The following DGKZ variants were observed in gnomAD, a reference collection of about 807,000 sequenced individuals.
The protein encoded by DGKZ is DAG kinase zeta.
A neutral mutation model predicts 142.5 loss-of-function variants in DGKZ; 45 were observed. The observed-to-expected ratio is 0.32, with a 90% CI of 0.25 to 0.40. The LOEUF (loss-of-function observed/expected upper bound fraction) is 0.40, where lower values mean the gene tolerates loss of function less well. Ranked by LOEUF, DGKZ falls within the 10% of genes least tolerant of loss-of-function variation. The pLI, the probability that DGKZ is intolerant of heterozygous loss-of-function variation, is 1.00. For missense variants in DGKZ, 755 were observed against 1,306.5 expected (o/e 0.58, Z 6.51); for synonymous variants, 442 against 527.0 (o/e 0.84, Z 2.21).
chr11:46,356,191 G>T (rs1463163104), intron 1 of DGKZ, among the ~76,000 whole-genome samples: 1 of 152,172 alleles, frequency 6.6e-6, no homozygotes, highest in Admixed American at 6.5e-5. Context: ...TAACAAAGGG[G>T]CCCCTTTGGG....
At chr11:46,336,148 G>A (rs1481628314) in intron 1 of DGKZ, among the ~76,000 whole-genome samples, 1 of 152,264 alleles carries the variant, frequency 6.6e-6, no homozygotes, top group Non-Finnish European at 1.5e-5. Context: ...TCTGACGTAA[G>A]TGAGGACGGG....
intron 1 of DGKZ, among the ~76,000 whole-genome samples, chr11:46,351,877 G>A (rs1941430697): frequency 6.6e-6 from 1 of 152,204 alleles, no homozygotes; most frequent in Admixed American, 6.5e-5. Context: ...GGGAGGGAAT[G>A]ACAATTCTTG....
At position 46,372,243 on chromosome 11, in the gene DGKZ, TC is replaced by T; in HGVS notation, c.927+76del. 1.4e-6 allele frequency: 2 copies of T among 1,445,862 alleles called. No homozygotes were observed. The highest frequency in any genetic ancestry group is 1.3e-5 in the South Asian group (1 of 76,794). The allele number at this position is 1,445,862 out of a possible 1,614,324, so 89.6% of individuals were successfully genotyped here. The stretch of plus-strand genomic sequence containing the variant: ...GTCCAGCCCGTCTGCCAGCAGCTGT[TC>T]CCAGAGCCCGTTTCTGGCTTCTACC... On this transcript the variant is annotated intron_variant, in intron 10 of 30. Coordinates refer to ENST00000527911, the Ensembl canonical transcript of DGKZ. The surrounding 1 kb of genome is among the most constrained non-coding windows in gnomAD (Gnocchi z 5.9).
intron 1 of DGKZ, among the ~76,000 whole-genome samples, chr11:46,340,184 G>A (rs1274017715): frequency 6.6e-6 from 1 of 152,256 alleles, no homozygotes; most frequent in African/African-American, 2.4e-5. Flanking sequence ...GGCTTGCAAA[G>A]GCCTAGACTT....
At chr11:46,379,694 C>A in intron 30 of DGKZ, 126 bp downstream of exon 30, 6 of 1,276,338 alleles carry the variant, frequency 4.7e-6, no homozygotes, top group Non-Finnish European at 6.4e-6. Flanking sequence ...AAACCTGAGC[C>A]AGCAGGGGAG....
chr11:46,378,146 G>A (rs1029510626), intron 25 of DGKZ, 52 bp from the exon 26 acceptor site: 27 of 1,584,754 alleles, frequency 1.7e-5, no homozygotes, highest in Non-Finnish European at 2.1e-5. Context: ...TGGGGAGGGC[G>A]ACCAGCTGGC....
Position 46,351,574 on chromosome 11 carries a change from A to G in DGKZ, c.161+3754A>G, listed in dbSNP as rs1043941573. Reference sequence around the variant, plus strand: ...GGGACGCCTCTTTTGCAGAGGTGAGAACCCTGTCTATGGTGCCAGGGTGTC... The same window carrying G: ...GGGACGCCTCTTTTGCAGAGGTGAGGACCCTGTCTATGGTGCCAGGGTGTC... On this transcript the variant is annotated intron_variant, in intron 1 of 30. Transcript: ENST00000527911. Among the ~76,000 whole-genome samples the G allele has an allele frequency of 4.6e-5, 7 of 152,176 alleles. No homozygotes were observed. The South Asian group carries it at 6.2e-4, about 13-fold the overall frequency.
At chr11:46,379,650 GC>G in intron 30 of DGKZ, 82 bp downstream of exon 30, 1 of 1,371,328 alleles carries the variant, frequency 7.3e-7, no homozygotes, top group South Asian at 1.4e-5. Flanking sequence ...GGGGCTGGGG[GC>G]TGTCCCTGGG....
At chr11:46,366,405 G>A (rs746161695) in intron 1 of DGKZ, 28 of 1,527,356 alleles carry the variant, frequency 1.8e-5, no homozygotes, top group South Asian at 4.9e-5. Context: ...GCACAGCGGC[G>A]CCGCTCCAGC....
rs1590564847 is a variant in DGKZ at position 46,368,313 on chromosome 11, A to G, written c.444+234A>G. ...ACCTGGCGCCTAGTGGGTTCGTTGA[A>G]TATCACTCAATGGAATGAATTGACG... On this transcript the variant is annotated intron_variant, in intron 4 of 30. Transcript: ENST00000527911. 6.8e-6 allele frequency: 4 copies of G among 590,524 alleles called. No individual in the cohort carries two copies. In the East Asian group the frequency reaches 9.7e-5, roughly 14 times the overall value. The allele number at this position is 590,524 out of a possible 1,614,324, so 36.6% of individuals were successfully genotyped here.
intron 20 of DGKZ, 44 bp downstream of exon 20, chr11:46,375,675 C>T (rs1307278411): frequency 6.6e-7 from 1 of 1,526,216 alleles, no homozygotes; most frequent in Non-Finnish European, 8.8e-7. Flanking sequence ...AAGGCCAGAC[C>T]CTGCCCTCTC....
At chr11:46,345,301 C>T, upstream of DGKZ, 4 of 1,374,932 alleles carry the variant, frequency 2.9e-6, no homozygotes, top group Non-Finnish European at 3.7e-6. This position sits in a 1 kb window ranked among gnomAD's most constrained non-coding sequence, Gnocchi z 4.1. Context: ...GCCTATGAGC[C>T]CTGAGCCTGT....
chr11:46,346,762 A>G (rs1027272089), upstream of DGKZ, among the ~76,000 whole-genome samples: 1 of 152,060 alleles, frequency 6.6e-6, no homozygotes, highest in Non-Finnish European at 1.5e-5. Context: ...TATGAGATCT[A>G]TAGGTTCTGT....
At chr11:46,366,659 C>T (rs754966586) in intron 1 of DGKZ, 2 of 1,594,634 alleles carry the variant, frequency 1.3e-6, no homozygotes, top group South Asian at 1.1e-5. Flanking sequence ...GAGCGCCATC[C>T]AGCCAGGCAC....
At chr11:46,379,307 T>G (rs892178987) in intron 29 of DGKZ, 71 bp downstream of exon 29, 3 of 1,602,762 alleles carry the variant, frequency 1.9e-6, no homozygotes, top group Non-Finnish European at 2.6e-6. Flanking sequence ...TCCCATTTTG[T>G]CAGGTCAGAG....
intron 26 of DGKZ, 99 bp from the exon 27 acceptor site, chr11:46,378,358 C>G (rs1268679629): frequency 1.3e-6 from 2 of 1,543,216 alleles, no homozygotes; most frequent in East Asian, 4.5e-5. Context: ...CCAACGGAGC[C>G]CTGGGCACAC....
chr11:46,360,423 C>T (rs941596233), intron 1 of DGKZ, among the ~76,000 whole-genome samples: 5 of 150,610 alleles, frequency 3.3e-5, no homozygotes, highest in African/African-American at 1.2e-4. Flanking sequence ...TTGCTGAACA[C>T]ATGGAGGTTC....
intron 27 of DGKZ, 79 bp from the exon 28 acceptor site, chr11:46,378,912 G>A (rs1374563925): frequency 1.4e-5 from 21 of 1,489,282 alleles, no homozygotes; most frequent in South Asian, 6.7e-5. Context: ...TGGTGTACCC[G>A]GCTGTGGGCC....
chr11:46,369,425 G>A lies in DGKZ; in HGVS notation c.445-69G>A, dbSNP rs759019331. 5 of 1,584,996 alleles carry A rather than the reference G, an allele frequency of 3.2e-6. No individual in the cohort carries two copies. The South Asian group carries it at 3.3e-5, about 11-fold the overall frequency. On this transcript the variant is annotated intron_variant, in intron 4 of 30. Coordinates refer to ENST00000527911, the Ensembl canonical transcript of DGKZ. ...GAGGATGACTCTGGGTTGTCCTGGA[G>A]GGAGTGACCACATACCTGACCCCGA...
Sources: allele counts gnomAD v4.1 joint callset (sites outside exome capture counted in the v4.1 genomes callset), GRCh38; gene constraint gnomAD v4.1.1; non-coding constraint Gnocchi (gnomAD v3.1); transcripts MANE v1.5; gene names NCBI Gene and HGNC (gene_info 2026-07-23, HGNC 2026-07-21).